Variants in ADAM12 observed in about 807,000 individuals in gnomAD.
ADAM12 encodes the protein disintegrin and metalloproteinase domain-containing protein 12.
A neutral mutation model predicts 106.4 loss-of-function variants in ADAM12; 70 were observed. That is an observed-to-expected ratio of 0.66 (90% CI 0.54 to 0.80). The LOEUF is 0.80. ADAM12 is among the 30% of genes least tolerant of loss of function. ADAM12 has a pLI of 0.00. For synonymous variants in ADAM12, 420 were observed against 433.5 expected (o/e 0.97, Z 0.39); for missense variants, 1,010 against 1,171.9 (o/e 0.86, Z 2.02).
intron 2 of ADAM12, among the ~76,000 whole-genome samples, chr10:126,289,102 GAC>G (rs947230800): frequency 1.3e-4 from 20 of 151,998 alleles, no homozygotes; most frequent in African/African-American, 4.8e-4. Flanking sequence ...ACCGTGTGGT[GAC>G]ACAATGGCTT....
chr10:126,208,171 G>T (rs1565139027), intron 3 of ADAM12, among the ~76,000 whole-genome samples: 1 of 152,022 alleles, frequency 6.6e-6, no homozygotes, highest in South Asian at 2.1e-4. Flanking sequence ...ACCATAAAAG[G>T]TTCTTAATTT....
chr10:126,282,353 G>A (rs1364973216), intron 2 of ADAM12, among the ~76,000 whole-genome samples: 2 of 152,082 alleles, frequency 1.3e-5, no homozygotes, highest in African/African-American at 2.4e-5. Context: ...GAATTTGCTG[G>A]GGGGAAGGGA....
In ADAM12 at chr10:126,066,598, G is replaced by T; in HGVS notation, c.1413+119C>A. ...ACCAACTGGCGTGAGAAGGAGGGAT[G>T]GTGCGTGCTGTGGTGAGTGCTGGGA... On this transcript the variant is annotated intron_variant, in intron 13 of 22. Coordinates refer to ENST00000448723, the MANE Select transcript of ADAM12 (RefSeq NM_001288973.2). The surrounding 1 kb of genome is among the most constrained non-coding windows in gnomAD (Gnocchi z 5.1). 1 of 883,838 alleles carries T rather than the reference G, an allele frequency of 1.1e-6. No individual in the cohort carries two copies. The allele number at this position is 883,838 out of a possible 1,614,324, so 54.7% of individuals were successfully genotyped here. A position where few individuals can be genotyped will look rare whatever the true frequency, so the allele number is the denominator to read the frequency against.
At chr10:126,103,004 G>A (rs1022521346) in intron 8 of ADAM12, among the ~76,000 whole-genome samples, 2 of 152,178 alleles carry the variant, frequency 1.3e-5, no homozygotes, top group African/African-American at 4.8e-5. Flanking sequence ...CACCTTGCGT[G>A]GGCTCAGGGT....
chr10:126,121,917 G>A (rs1171944347), intron 5 of ADAM12, among the ~76,000 whole-genome samples: 1 of 152,084 alleles, frequency 6.6e-6, no homozygotes, highest in African/African-American at 2.4e-5. Flanking sequence ...CAACTCATTA[G>A]TATTTAACTG....
intron 3 of ADAM12, among the ~76,000 whole-genome samples, chr10:126,224,200 C>T (rs575565802): frequency 3.5e-4 from 54 of 152,268 alleles, no homozygotes; most frequent in Non-Finnish European, 7.2e-4. Flanking sequence ...CTTGGGGCCC[C>T]TCCTCCTGTC....
chr10:126,159,329 A>AAAAAG (rs1956893268), intron 3 of ADAM12, among the ~76,000 whole-genome samples: 4 of 147,424 alleles, frequency 2.7e-5, no homozygotes, highest in African/African-American at 9.9e-5. Flanking sequence ...AAAAAAAAAA[A>AAAAAG]AAGGAGCACA....
At chr10:126,170,557 A>T (rs1236826772) in intron 3 of ADAM12, among the ~76,000 whole-genome samples, 1 of 152,072 alleles carries the variant, frequency 6.6e-6, no homozygotes, top group Admixed American at 6.5e-5. Flanking sequence ...CCCTAGGCTG[A>T]GTCAGGAGGA....
chr10:126,332,067 G>A lies in ADAM12; in HGVS notation c.89-1558C>T, dbSNP rs542897454. 1.8e-4 allele frequency among the ~76,000 whole-genome samples: 28 copies of A among 152,262 alleles called. 1 individual carries two copies. The South Asian group carries it at 4.6e-3, about 25-fold the overall frequency. Reference sequence around the variant, plus strand: ...AATAGCCCAGGCTTTGGAGGAAGACGCACCCTGCAGCAGCACCAGCTCTAC... The same window carrying A: ...AATAGCCCAGGCTTTGGAGGAAGACACACCCTGCAGCAGCACCAGCTCTAC... On this transcript the variant is annotated intron_variant, in intron 1 of 22. Transcript: ENST00000448723.
chr10:126,081,215 T>C (rs1219662853), intron 11 of ADAM12, among the ~76,000 whole-genome samples: 1 of 152,088 alleles, frequency 6.6e-6, no homozygotes, highest in East Asian at 1.9e-4. Flanking sequence ...GTCTGAGTGC[T>C]GACGGCAGGA....
intron 3 of ADAM12, among the ~76,000 whole-genome samples, chr10:126,162,606 G>A (rs11244856): frequency 0.17 from 26,018 of 152,056 alleles, 2,660 homozygotes; most frequent in Non-Finnish European, 0.24. Context: ...CAGCCACACA[G>A]ATGAGACTTG....
At chr10:126,136,264 G>A (rs201612965) in intron 4 of ADAM12, among the ~76,000 whole-genome samples, 3 of 152,200 alleles carry the variant, frequency 2.0e-5, no homozygotes, top group East Asian at 1.9e-4. Flanking sequence ...CTTTGATAAT[G>A]TCACAGCTTA....
intron 3 of ADAM12, among the ~76,000 whole-genome samples, chr10:126,210,234 C>T (rs1957874939): frequency 6.6e-6 from 1 of 152,248 alleles, no homozygotes; most frequent in Admixed American, 6.5e-5. Flanking sequence ...CAAAGCTGGA[C>T]TAGCAGCAGC....
chr10:126,052,329 C>G (rs987534257), intron 14 of ADAM12, among the ~76,000 whole-genome samples: 1 of 152,216 alleles, frequency 6.6e-6, no homozygotes, highest in Non-Finnish European at 1.5e-5. Flanking sequence ...CTCGGAAATA[C>G]AAGCAGCTCC....
At chr10:126,068,199 TA>T (rs1421645285) in intron 12 of ADAM12, among the ~76,000 whole-genome samples, 2 of 152,190 alleles carry the variant, frequency 1.3e-5, no homozygotes, top group Non-Finnish European at 2.9e-5. Flanking sequence ...GAACTTTTTT[TA>T]AAAAAAGTAG....
At chr10:126,175,708 T>C (rs1026495148) in intron 3 of ADAM12, among the ~76,000 whole-genome samples, 3 of 152,174 alleles carry the variant, frequency 2.0e-5, no homozygotes, top group Non-Finnish European at 4.4e-5. Context: ...CTGGGGGCAG[T>C]TGGGAAAGAG....
At chr10:126,334,946 G>A (rs1197875805) in intron 1 of ADAM12, among the ~76,000 whole-genome samples, 2 of 152,184 alleles carry the variant, frequency 1.3e-5, no homozygotes, top group Non-Finnish European at 2.9e-5. Flanking sequence ...GACATCTGAG[G>A]CTCTACCGTC....
At position 126,313,263 on chromosome 10, in the gene ADAM12, T is replaced by C. The variant is rs1226464392; in HGVS notation, c.186+17149A>G. 2.0e-5 allele frequency among the ~76,000 whole-genome samples: 3 copies of C among 152,240 alleles called. No individual in the cohort carries two copies. The East Asian group carries it at 5.8e-4, about 30-fold the overall frequency. On this transcript the variant is annotated intron_variant, in intron 2 of 22. Coordinates refer to ENST00000448723, the MANE Select transcript of ADAM12 (RefSeq NM_001288973.2). The stretch of plus-strand genomic sequence containing the variant: ...CTCAGCAGCTGGTTTCCCCCACCAG[T>C]TGAGAGGGCCAAGAAACCAAGGTGA...
At chr10:126,336,456 AG>A in intron 1 of ADAM12, among the ~76,000 whole-genome samples, 1 of 152,294 alleles carries the variant, frequency 6.6e-6, no homozygotes, top group Non-Finnish European at 1.5e-5. Context: ...CTCAGACGGA[AG>A]ATGCAGTACC....
Sources: allele counts gnomAD v4.1 joint callset (sites outside exome capture counted in the v4.1 genomes callset), GRCh38; gene constraint gnomAD v4.1.1; non-coding constraint Gnocchi (gnomAD v3.1); transcripts MANE v1.5; gene names NCBI Gene and HGNC (gene_info 2026-07-23, HGNC 2026-07-21).